FASTKD2: variants seen among roughly 807,000 people sequenced by gnomAD.
FASTKD2 encodes FAST kinase domains 2.
A neutral mutation model predicts 63.6 loss-of-function variants in FASTKD2; 51 were observed. The ratio of observed to expected loss-of-function variants is 0.80; its 90% CI spans 0.64 to 1.01. The LOEUF is 1.01. Ranked by LOEUF, FASTKD2 falls within the 50% of genes least tolerant of loss-of-function variation. FASTKD2 has a pLI of 0.00. For synonymous variants in FASTKD2, 284 were observed against 293.4 expected, an observed-to-expected ratio of 0.97 and a Z score of 0.33; for missense variants, 786 against 831.1, an observed-to-expected ratio of 0.95 and a Z score of 0.67.
At position 206,772,337 on chromosome 2, in the gene FASTKD2, T is replaced by C; in HGVS notation, c.1254+17T>C. ...TTCAGAAAAGTGAGTACATTAACAATTTAGAATAAGCCTCACAAACTTTTA... is the reference window on the plus strand; with the variant it reads ...TTCAGAAAAGTGAGTACATTAACAACTTAGAATAAGCCTCACAAACTTTTA... On this transcript the variant is annotated intron_variant, in intron 6 of 11. Coordinates refer to ENST00000402774, the MANE Select transcript of FASTKD2 (RefSeq NM_001136193.2). The C allele has an allele frequency of 6.2e-7, 1 of 1,611,708 alleles. No homozygotes were observed. Among genetic ancestry groups the C allele is most frequent in the Non-Finnish European group, 8.5e-7 (1 of 1,177,876 alleles).
rs1018987871 is a variant in FASTKD2 at position 206,766,279 on chromosome 2, A to C, written c.-50-365A>C. On this transcript the variant is annotated intron_variant, in intron 1 of 11. Transcript: ENST00000402774. ...TGTCTCAAAAAAAAAAAAAAAAAAA[A>C]AAAAAACAGAGAAGAGAAAAGAAAA... Among the ~76,000 whole-genome samples, 8 of 151,368 alleles carry C rather than the reference A, an allele frequency of 5.3e-5. No homozygotes were observed. The East Asian group carries it at 1.5e-3, about 29-fold the overall frequency.
At chr2:206,774,420 C>A in intron 7 of FASTKD2, 23 bp downstream of exon 7, 1 of 1,474,858 alleles carries the variant, frequency 6.8e-7, no homozygotes, top group Non-Finnish European at 9.4e-7. Flanking sequence ...TTTTTTTTAC[C>A]TTTTTTATTG....
At chr2:206,777,352 T>C (rs1259092108) in intron 7 of FASTKD2, among the ~76,000 whole-genome samples, 2 of 152,150 alleles carry the variant, frequency 1.3e-5, no homozygotes, top group Non-Finnish European at 2.9e-5. Flanking sequence ...ATTTCTTCTA[T>C]ACCTAATTTG....
At chr2:206,772,976 A>G (rs1689724928) in intron 6 of FASTKD2, among the ~76,000 whole-genome samples, 1 of 152,202 alleles carries the variant, frequency 6.6e-6, no homozygotes, top group African/African-American at 2.4e-5. Context: ...TCCTTTGGTC[A>G]TCTTTCTATT....
intron 7 of FASTKD2, among the ~76,000 whole-genome samples, chr2:206,776,097 T>C (rs1203032573): frequency 6.6e-6 from 1 of 151,484 alleles, no homozygotes; most frequent in Non-Finnish European, 1.5e-5. Context: ...GCTATTCAGT[T>C]ACAGTATGTT....
In FASTKD2 at chr2:206,767,302, A is replaced by G; in HGVS notation, c.609A>G (p.Glu203=). Residue 203 remains glutamate (E), a synonymous_variant, in exon 2 of 12, where the codon GAA becomes GAG. Coordinates refer to ENST00000402774, the MANE Select transcript of FASTKD2 (RefSeq NM_001136193.2). ...KRLSDDQKRF[E]KRLMFSHPAF... ...TGTCTGATGACCAGAAGCGCTTTGA[A>G]AAACGACTGATGTTTAGCCACCCTG... 6.2e-7 allele frequency: 1 copy of G among 1,614,210 alleles called. No individual in the cohort carries two copies. The highest frequency in any genetic ancestry group is 1.3e-5 in the African/African-American group (1 of 75,070).
intron 2 of FASTKD2, among the ~76,000 whole-genome samples, chr2:206,769,809 C>G (rs1040303844): frequency 6.6e-6 from 1 of 152,168 alleles, no homozygotes; most frequent in African/African-American, 2.4e-5. Context: ...AAAGTTGTTT[C>G]AGAAGCAGTG....
chr2:206,782,842 A>G (rs887153486), intron 7 of FASTKD2, among the ~76,000 whole-genome samples: 4 of 152,156 alleles, frequency 2.6e-5, no homozygotes, highest in Non-Finnish European at 5.9e-5. Context: ...GAGTTAATCT[A>G]TGTCAAGTTC....
At chr2:206,773,020 A>G (rs1689726156) in intron 6 of FASTKD2, among the ~76,000 whole-genome samples, 1 of 152,108 alleles carries the variant, frequency 6.6e-6, no homozygotes, top group African/African-American at 2.4e-5. Context: ...TTTCGTTTTA[A>G]AAGGGTTGTA....
In FASTKD2 at chr2:206,793,086, G is replaced by C. The variant is rs189778811; in HGVS notation, c.*1284G>C. 6.6e-6 allele frequency among the ~76,000 whole-genome samples: 1 copy of C among 152,080 alleles called. No individual in the cohort carries two copies. Among genetic ancestry groups the C allele is most frequent in the African/African-American group, 2.4e-5 (1 of 41,488 alleles). On this transcript the variant is annotated 3_prime_UTR_variant, in exon 12 of 12. Coordinates refer to ENST00000402774, the MANE Select transcript of FASTKD2 (RefSeq NM_001136193.2). ...AAATACAAAAAATTAGCCGGGCATG[G>C]TGGTGCATGCCTATAATCCCAGCTA... is the stretch of plus-strand genomic sequence containing the variant.
intron 7 of FASTKD2, among the ~76,000 whole-genome samples, chr2:206,779,719 T>C (rs1689918403): frequency 6.6e-6 from 1 of 152,214 alleles, no homozygotes; most frequent in East Asian, 1.9e-4. Context: ...AGCCAAACCA[T>C]ATCAGGGAGT....
At chr2:206,785,527 GCA>G (rs1690116670) in intron 7 of FASTKD2, among the ~76,000 whole-genome samples, 1 of 152,136 alleles carries the variant, frequency 6.6e-6, no homozygotes, top group Admixed American at 6.5e-5. Context: ...GCAGGGAACA[GCA>G]CACAGTTTGG....
At position 206,766,969 on chromosome 2, in the gene FASTKD2, A is replaced by T; in HGVS notation, c.276A>T (p.Thr92=). The stretch of plus-strand genomic sequence containing the variant: ...TTAAATCAGATGTTGGCTTTCAAAC[A>T]AAGGGCATAAGCACTCTAACAGCCC... ...FIFKSDVGFQ[T]KGISTLTALR... Residue 92 remains threonine (T), a synonymous_variant, in exon 2 of 12, where the codon ACA becomes ACT. Transcript: ENST00000402774. 2.5e-6 allele frequency: 4 copies of T among 1,608,168 alleles called. No homozygotes were observed. Among genetic ancestry groups the T allele is most frequent in the African/African-American group, 1.3e-5 (1 of 74,856 alleles).
rs58656956 is a variant in FASTKD2 at position 206,793,220 on chromosome 2, C to CAAA, written c.*1447_*1449dup. Among the ~76,000 whole-genome samples the CAAA allele has an allele frequency of 2.1e-3, 139 of 65,768 alleles. 2 individuals carry two copies. The highest frequency in any genetic ancestry group is 5.7e-3 in the African/African-American group (92 of 16,222). The allele number at this position is 65,768 out of a possible 152,430, so 43.1% of individuals were successfully genotyped here. On this transcript the variant is annotated 3_prime_UTR_variant, in exon 12 of 12. Transcript: ENST00000402774. ...CTGACCACAGAGCGAGACTCTGTCT[C>CAAA]AAAAAAAAAAAAAAAAAAAAAAAAA...
chr2:206,780,549 T>G (rs981054221), intron 7 of FASTKD2, among the ~76,000 whole-genome samples: 16 of 152,214 alleles, frequency 1.1e-4, no homozygotes, highest in African/African-American at 3.6e-4. Context: ...TTCTTTTTGT[T>G]TTTGAATTTT....
chr2:206,769,356 TTCTC>T (rs1210178407), intron 2 of FASTKD2, among the ~76,000 whole-genome samples: 2 of 152,244 alleles, frequency 1.3e-5, no homozygotes, highest in Admixed American at 6.5e-5. Context: ...GCAAAAGAGC[TTCTC>T]TCTCTTCAGG....
At chr2:206,788,240 C>A in intron 9 of FASTKD2, 85 bp downstream of exon 9, 1 of 939,552 alleles carries the variant, frequency 1.1e-6, no homozygotes, top group Non-Finnish European at 1.7e-6. Context: ...TTTGTGGCAG[C>A]AGTTTAGTGT....
In FASTKD2 at chr2:206,791,779, G is replaced by A. The variant is rs1690293528; in HGVS notation, c.2110G>A (p.Val704Ile). 1 of 1,612,996 alleles carries A rather than the reference G, an allele frequency of 6.2e-7. No individual in the cohort carries two copies. Among genetic ancestry groups the A allele is most frequent in the Non-Finnish European group, 8.5e-7 (1 of 1,179,536 alleles). The change falls in exon 12 of 12, where the codon GTA (valine) becomes ATA (isoleucine). Residue 704 changes from valine (V) to isoleucine (I), a missense_variant. Coordinates refer to ENST00000402774, the MANE Select transcript of FASTKD2 (RefSeq NM_001136193.2). Reference sequence around the variant, plus strand: ...AGTAGAAGCTCTTCCTGTTGCTGCTGTAAATGTGCAAAGCACACAATAAAG... The same window carrying A: ...AGTAGAAGCTCTTCCTGTTGCTGCTATAAATGTGCAAAGCACACAATAAAG... ...YSVEALPVAA[V>I]NVQSTQ is the part of the protein sequence containing the mutation.
chr2:206,771,364 G>C (rs1300992494), intron 4 of FASTKD2, 74 bp downstream of exon 4: 1 of 876,224 alleles, frequency 1.1e-6, no homozygotes, highest in Non-Finnish European at 1.9e-6. Flanking sequence ...ACTGCCTGAA[G>C]TCAATTTTCT....
Sources: allele counts gnomAD v4.1 joint callset (sites outside exome capture counted in the v4.1 genomes callset), GRCh38; gene constraint gnomAD v4.1.1; transcripts MANE v1.5; gene names NCBI Gene and HGNC (gene_info 2026-07-23, HGNC 2026-07-21).